The following PCDHA5 variants were observed in gnomAD, a reference collection of about 807,000 sequenced individuals.
PCDHA5 encodes the protein protocadherin alpha 5, also known as protocadherin alpha-5.
In PCDHA5, 43 loss-of-function variants were observed where a neutral mutation model predicts 61.6. The ratio of observed to expected loss-of-function variants is 0.70; its 90% CI spans 0.55 to 0.90. PCDHA5 has a LOEUF of 0.90. Ranked by LOEUF, PCDHA5 falls within the 40% of genes least tolerant of loss-of-function variation. The pLI is 0.00. For missense variants in PCDHA5, 1,298 were observed against 1,222.7 expected (o/e 1.06, Z -0.92); for synonymous variants, 627 against 543.9 (o/e 1.15, Z -2.13).
chr5:140,876,732 C>T, intron 1 of PCDHA5: 1 of 1,614,246 alleles, frequency 6.2e-7, no homozygotes, highest in South Asian at 1.1e-5. Context: ...GCGTGTCGGC[C>T]TATGAGCTGG....
chr5:140,899,197 A>G (rs1300452676), intron 1 of PCDHA5, among the ~76,000 whole-genome samples: 2 of 152,018 alleles, frequency 1.3e-5, no homozygotes, highest in Admixed American at 6.6e-5. Context: ...TCTCCTGCCT[A>G]ATTGCCCTGG....
At chr5:140,985,228 C>T (rs1022229644) in intron 3 of PCDHA5, among the ~76,000 whole-genome samples, 2 of 152,156 alleles carry the variant, frequency 1.3e-5, no homozygotes, top group Admixed American at 6.5e-5. Flanking sequence ...TGAGCCACCG[C>T]GCCTGGCCTA....
intron 1 of PCDHA5, among the ~76,000 whole-genome samples, chr5:140,960,605 A>G (rs1405858302): frequency 6.6e-6 from 1 of 152,184 alleles, no homozygotes; most frequent in Non-Finnish European, 1.5e-5. Flanking sequence ...TACTTCAACA[A>G]TATCTAGTGT....
intron 1 of PCDHA5, among the ~76,000 whole-genome samples, chr5:140,897,765 C>T (rs1305140331): frequency 6.6e-6 from 1 of 152,216 alleles, no homozygotes; most frequent in Admixed American, 6.5e-5. Flanking sequence ...AATCGCCACA[C>T]TGACTTCCAC....
chr5:140,856,514 G>T (rs781942781), intron 1 of PCDHA5: 5 of 1,598,422 alleles, frequency 3.1e-6, no homozygotes, highest in Non-Finnish European at 3.4e-6. Context: ...ACTAGAAGGC[G>T]CATCTGATGC....
At chr5:140,833,964 T>TG (rs1419903363) in intron 1 of PCDHA5, among the ~76,000 whole-genome samples, 1 of 152,084 alleles carries the variant, frequency 6.6e-6, no homozygotes, top group African/African-American at 2.4e-5. Flanking sequence ...TAAAACTGTG[T>TG]GAAAAAAAAG....
At chr5:140,864,854 A>T (rs1554159169) in intron 1 of PCDHA5, 1 of 152,178 alleles carries the variant, frequency 6.6e-6, no homozygotes, top group Non-Finnish European at 1.5e-5. Context: ...CCCATACATG[A>T]TGAAGGGTGA....
chr5:140,926,141 A>T (rs2082938262), intron 1 of PCDHA5, among the ~76,000 whole-genome samples: 1 of 152,038 alleles, frequency 6.6e-6, no homozygotes, highest in Non-Finnish European at 1.5e-5. Context: ...AGCAGGATCC[A>T]GCGCGGAAAG....
At chr5:140,832,784 G>A (rs1414101798) in intron 1 of PCDHA5, among the ~76,000 whole-genome samples, 1 of 152,146 alleles carries the variant, frequency 6.6e-6, no homozygotes, top group African/African-American at 2.4e-5. Context: ...TGCTAGAAAG[G>A]TACATCATAG....
intron 1 of PCDHA5, chr5:140,875,761 G>T (rs373515339): frequency 8.7e-6 from 14 of 1,614,236 alleles, no homozygotes; most frequent in Non-Finnish European, 1.1e-5. Context: ...GAAGCTGTGC[G>T]GGCGGAGCGC....
intron 1 of PCDHA5, chr5:140,829,960 C>T: frequency 1.2e-6 from 2 of 1,613,984 alleles, no homozygotes; most frequent in South Asian, 1.1e-5. Flanking sequence ...TCCCGTTTCG[C>T]GTGGGGCTGT....
intron 1 of PCDHA5, among the ~76,000 whole-genome samples, chr5:140,937,175 C>A: frequency 6.6e-6 from 1 of 151,650 alleles, no homozygotes; most frequent in Non-Finnish European, 1.5e-5. Context: ...GTAGCTGGGA[C>A]TACAGGCGCC....
intron 2 of PCDHA5, among the ~76,000 whole-genome samples, chr5:140,981,989 A>G (rs1343187322): frequency 2.0e-5 from 3 of 152,236 alleles, no homozygotes; most frequent in African/African-American, 4.8e-5. Flanking sequence ...AAAATAGAAA[A>G]TAAGGTTAAG....
chr5:140,982,538 G>C lies in PCDHA5; in HGVS notation c.2475G>C (p.Trp825Cys), dbSNP rs782094765. The change falls in exon 3 of 4, where the codon TGG becomes TGC. Residue 825 changes from tryptophan to cysteine, a missense_variant. Coordinates refer to ENST00000529859, the MANE Select transcript of PCDHA5 (RefSeq NM_018908.3). ...GTCCAGGAGGGCCTGATCAGCAGTG[G>C]CCAACAGTATCCAGTGCAACACCAG... ...RAGPGGPDQQ[W>C]PTVSSATPEP... 1 of 1,614,166 alleles carries C rather than the reference G, an allele frequency of 6.2e-7. No individual in the cohort carries two copies.
At chr5:140,870,929 A>C in intron 1 of PCDHA5, 3 of 1,613,868 alleles carry the variant, frequency 1.9e-6, no homozygotes, top group Non-Finnish European at 2.5e-6. Context: ...CTTTCATATG[A>C]ATTGCAGCCG....
chr5:140,886,552 G>A (rs188986859), intron 1 of PCDHA5, among the ~76,000 whole-genome samples: 132 of 151,712 alleles, frequency 8.7e-4, no homozygotes, highest in Middle Eastern at 3.4e-3. Flanking sequence ...TCCCAGCTGG[G>A]CACGGTGGCT....
chr5:140,969,401 T>A, intron 1 of PCDHA5: 1 of 1,579,566 alleles, frequency 6.3e-7, no homozygotes, highest in Non-Finnish European at 8.6e-7. Flanking sequence ...ATCCTGTGAT[T>A]TGGCTTTATT....
At chr5:140,849,995 C>CGA in intron 1 of PCDHA5, 1 of 1,597,088 alleles carries the variant, frequency 6.3e-7, no homozygotes, top group Non-Finnish European at 8.6e-7. Context: ...GGCGGTTGGG[C>CGA]GAGCGCTCGC....
intron 1 of PCDHA5, among the ~76,000 whole-genome samples, chr5:140,957,285 G>A (rs1036077483): frequency 2.0e-5 from 3 of 152,144 alleles, no homozygotes; most frequent in Non-Finnish European, 4.4e-5. Context: ...CTTACCTGCA[G>A]TTTCACTCTG....
Sources: allele counts gnomAD v4.1 joint callset (sites outside exome capture counted in the v4.1 genomes callset), GRCh38; gene constraint gnomAD v4.1.1; transcripts MANE v1.5; gene names NCBI Gene and HGNC (gene_info 2026-07-23, HGNC 2026-07-21).